STAG1: variants seen among roughly 807,000 people sequenced by gnomAD.
The protein encoded by STAG1 is cohesin subunit SA-1.
STAG1 carries 26 observed loss-of-function variants against 170.9 expected under a neutral mutation model. The observed-to-expected ratio is 0.15, with a 90% CI of 0.11 to 0.21. The LOEUF (loss-of-function observed/expected upper bound fraction) is 0.21. Among genes scored for constraint, STAG1 ranks in the 10% least tolerant of loss-of-function variants. The pLI is 1.00. For missense variants in STAG1, 964 were observed against 1,509.5 expected, an observed-to-expected ratio of 0.64 and a Z score of 5.99; for synonymous variants, 514 against 497.7, an observed-to-expected ratio of 1.03 and a Z score of -0.44.
chr3:136,600,537 AT>A (rs1162261764), intron 4 of STAG1, among the ~76,000 whole-genome samples: 1 of 151,804 alleles, frequency 6.6e-6, no homozygotes. Flanking sequence ...CTTGCTCTTT[AT>A]TTTTTATTTT....
chr3:136,445,702 A>G (rs545155144), intron 14 of STAG1, among the ~76,000 whole-genome samples: 12 of 152,218 alleles, frequency 7.9e-5, no homozygotes, highest in Non-Finnish European at 1.6e-4. Context: ...ACAATCGCAT[A>G]TATTTGGCAG....
chr3:136,596,058 G>A (rs1367276530), intron 4 of STAG1, among the ~76,000 whole-genome samples: 1 of 152,168 alleles, frequency 6.6e-6, no homozygotes, highest in Admixed American at 6.5e-5. Flanking sequence ...TACTCCTGGT[G>A]AAGATGCTGT....
rs1940308843 is a variant in STAG1, at chr3:136,630,955, A to G, written c.-57T>C. 3 of 1,482,472 alleles carry G rather than the reference A, an allele frequency of 2.0e-6. No homozygotes were observed. The highest frequency in any genetic ancestry group is 1.4e-5 in the South Asian group (1 of 73,682). The allele number at this position is 1,482,472 out of a possible 1,614,324, so 91.8% of individuals were successfully genotyped here. ...ATAATCAAGTGCTGTACAACTCAAA[A>G]CTTTTAAAATAACCTCAAAGGCAAT... On this transcript the variant is annotated 5_prime_UTR_variant, in exon 2 of 34. Transcript: ENST00000383202.
chr3:136,700,814 A>G (rs994335656), intron 1 of STAG1, among the ~76,000 whole-genome samples: 1 of 151,970 alleles, frequency 6.6e-6, no homozygotes, highest in African/African-American at 2.4e-5. Flanking sequence ...AGCAGAAATT[A>G]ACACACGGTC....
intron 5 of STAG1, among the ~76,000 whole-genome samples, chr3:136,548,624 G>A (rs1292968446): frequency 6.6e-6 from 1 of 152,114 alleles, no homozygotes; most frequent in Non-Finnish European, 1.5e-5. Context: ...AGGCAGTATG[G>A]ACATTTTAAC....
intron 7 of STAG1, among the ~76,000 whole-genome samples, chr3:136,509,992 A>C (rs1933965400): frequency 6.6e-6 from 1 of 152,206 alleles, no homozygotes; most frequent in South Asian, 2.1e-4. Flanking sequence ...ATCTTATGAC[A>C]AACTACCAGT....
rs139949331 is a variant in STAG1 at position 136,512,302 on chromosome 3, T to C, written c.676+8911A>G. Reference sequence around the variant, plus strand: ...GCCTGGATGACAGAGCAAGACCCTGTCTCGAAAATAAAAATAAGCTATTTT... The same window carrying C: ...GCCTGGATGACAGAGCAAGACCCTGCCTCGAAAATAAAAATAAGCTATTTT... On this transcript the variant is annotated intron_variant, in intron 7 of 33. Transcript: ENST00000383202. 4.5e-3 allele frequency among the ~76,000 whole-genome samples: 690 copies of C among 151,988 alleles called. 8 individuals carry two copies. Among genetic ancestry groups the C allele is most frequent in the African/African-American group, 0.016 (651 of 41,442 alleles).
intron 16 of STAG1, chr3:136,430,197 A>G (rs1417881361): frequency 6.6e-6 from 1 of 152,190 alleles, no homozygotes; most frequent in Non-Finnish European, 1.5e-5. Context: ...TGGATTTTTG[A>G]CTGTGCAGGT....
chr3:136,582,167 G>A, intron 4 of STAG1, among the ~76,000 whole-genome samples: 1 of 142,940 alleles, frequency 7.0e-6, no homozygotes, highest in East Asian at 2.2e-4. Context: ...TCCTGCTATA[G>A]GAAAACATTT....
chr3:136,544,119 C>T (rs1446552425), intron 5 of STAG1, among the ~76,000 whole-genome samples: 1 of 152,168 alleles, frequency 6.6e-6, no homozygotes, highest in Admixed American at 6.5e-5. Context: ...CATATCAGGT[C>T]CAACAGCACT....
rs371981900 is a variant in STAG1, at chr3:136,550,377, G to C, written c.395-8182C>G. 3.3e-5 allele frequency among the ~76,000 whole-genome samples: 5 copies of C among 150,606 alleles called. No individual in the cohort carries two copies. The East Asian group carries it at 5.9e-4, about 18-fold the overall frequency. On this transcript the variant is annotated intron_variant, in intron 5 of 33. Coordinates refer to ENST00000383202, the MANE Select transcript of STAG1 (RefSeq NM_005862.3). ...GGCTGGAGTACAGTGGCGCGATCTT[G>C]GCTCACCGCAAGCTCTGCCTCCCGG... is the stretch of plus-strand genomic sequence containing the variant.
chr3:136,555,290 T>A (rs558911553), intron 5 of STAG1, among the ~76,000 whole-genome samples: 95 of 151,504 alleles, frequency 6.3e-4, no homozygotes, highest in African/African-American at 2.2e-3. Context: ...GGCAGGAGAA[T>A]CTCTTGAAGT....
At chr3:136,457,854 G>C (rs2089161761) in intron 13 of STAG1, among the ~76,000 whole-genome samples, 1 of 152,108 alleles carries the variant, frequency 6.6e-6, no homozygotes, top group Non-Finnish European at 1.5e-5. Flanking sequence ...TCCAAACTTT[G>C]GGAGGCCGAG....
intron 29 of STAG1, among the ~76,000 whole-genome samples, chr3:136,346,906 C>A (rs1469110409): frequency 1.3e-5 from 2 of 152,034 alleles, no homozygotes; most frequent in Non-Finnish European, 2.9e-5. Flanking sequence ...CAAGACCAGC[C>A]TGGGCAACAA....
At chr3:136,370,848 T>C (rs531208606) in intron 23 of STAG1, among the ~76,000 whole-genome samples, 1 of 152,368 alleles carries the variant, frequency 6.6e-6, no homozygotes, top group East Asian at 1.9e-4. Context: ...TATAGCAGCA[T>C]GATTTATAAT....
intron 22 of STAG1, among the ~76,000 whole-genome samples, chr3:136,382,846 A>G (rs1405894216): frequency 6.6e-6 from 1 of 152,252 alleles, no homozygotes; most frequent in Non-Finnish European, 1.5e-5. Context: ...AATTGTAACT[A>G]TATTCCACTG....
At chr3:136,485,128 A>G (rs929989724) in intron 9 of STAG1, among the ~76,000 whole-genome samples, 1 of 152,112 alleles carries the variant, frequency 6.6e-6, no homozygotes, top group Non-Finnish European at 1.5e-5. Flanking sequence ...CATTTGTTTC[A>G]TCAATCTAGA....
At chr3:136,592,171 C>A (rs1289002619) in intron 4 of STAG1, among the ~76,000 whole-genome samples, 1 of 152,136 alleles carries the variant, frequency 6.6e-6, no homozygotes, top group African/African-American at 2.4e-5. Flanking sequence ...CTACTACAGA[C>A]CCATACTTGC....
intron 21 of STAG1, among the ~76,000 whole-genome samples, chr3:136,403,884 C>CACA (rs2087408152): frequency 1.3e-5 from 2 of 152,124 alleles, no homozygotes; most frequent in South Asian, 4.2e-4. Flanking sequence ...CATTGGTATT[C>CACA]CTTTTAAGTT....
Sources: gnomAD v4.1 joint callset for allele counts (sites outside exome capture counted in the v4.1 genomes callset) on GRCh38, gnomAD v4.1.1 for gene constraint, MANE v1.5 for transcripts, NCBI Gene and HGNC (gene_info 2026-07-23, HGNC 2026-07-21) for gene names.